The following SIPA1L1 variants were observed in gnomAD, a reference collection of about 807,000 sequenced individuals.
The protein encoded by SIPA1L1 is signal induced proliferation associated 1 like 1.
SIPA1L1 carries 26 observed loss-of-function variants against 162.7 expected under a neutral mutation model. The ratio of observed to expected loss-of-function variants is 0.16; its 90% confidence interval spans 0.12 to 0.22. The LOEUF (loss-of-function observed/expected upper bound fraction) is 0.22, where lower values mean the gene tolerates loss of function less well. Among genes scored for constraint, SIPA1L1 ranks in the 10% least tolerant of loss-of-function variants. SIPA1L1 has a pLI of 1.00. For missense variants in SIPA1L1, 1,874 were observed against 2,241.0 expected (o/e 0.84, Z 3.31); for synonymous variants, 829 against 837.4 (o/e 0.99, Z 0.17).
At chr14:71,543,126 C>T (rs1446412457) in intron 4 of SIPA1L1, among the ~76,000 whole-genome samples, 4 of 152,192 alleles carry the variant, frequency 2.6e-5, no homozygotes, top group Non-Finnish European at 5.9e-5. Flanking sequence ...GCCCCATCCA[C>T]TCTCAGATCT....
intron 7 of SIPA1L1, among the ~76,000 whole-genome samples, chr14:71,642,911 A>G (rs1438787033): frequency 6.6e-6 from 1 of 152,038 alleles, no homozygotes; most frequent in African/African-American, 2.4e-5. Context: ...AGCAGATTAG[A>G]CATTGTCGAA....
chr14:71,714,180 G>A (rs754624060), intron 17 of SIPA1L1, among the ~76,000 whole-genome samples: 6 of 152,090 alleles, frequency 3.9e-5, no homozygotes, highest in Non-Finnish European at 7.4e-5. Context: ...TGGCCTAAGC[G>A]ATCTTGCCAC....
At chr14:71,446,283 T>C (rs148106424) in intron 2 of SIPA1L1, among the ~76,000 whole-genome samples, 54 of 152,360 alleles carry the variant, frequency 3.5e-4, no homozygotes, top group African/African-American at 1.2e-3. Context: ...TTTTTTCTTA[T>C]ATTTCTTTTA....
At chr14:71,480,106 G>T (rs1386748516) in intron 2 of SIPA1L1, among the ~76,000 whole-genome samples, 1 of 148,706 alleles carries the variant, frequency 6.7e-6, no homozygotes, top group Non-Finnish European at 1.5e-5. Context: ...TTTTTGAGAC[G>T]GAGTCTTGCT....
At chr14:71,472,712 CAA>C (rs1567070443) in intron 2 of SIPA1L1, among the ~76,000 whole-genome samples, 1 of 150,200 alleles carries the variant, frequency 6.7e-6, no homozygotes, top group African/African-American at 2.5e-5. Flanking sequence ...GTTTCCAAAC[CAA>C]GTTTCCTATT....
At chr14:71,435,222 A>T (rs927888337) in intron 2 of SIPA1L1, among the ~76,000 whole-genome samples, 14 of 152,074 alleles carry the variant, frequency 9.2e-5, no homozygotes, top group African/African-American at 3.1e-4. Flanking sequence ...CATGTGCACA[A>T]CATGCAGGTT....
intron 2 of SIPA1L1, among the ~76,000 whole-genome samples, chr14:71,502,266 A>G (rs1284502348): frequency 1.4e-5 from 2 of 142,676 alleles, no homozygotes; most frequent in Non-Finnish European, 3.0e-5. Flanking sequence ...ATATATATAT[A>G]TATATATATA....
Position 71,588,540 on chromosome 14 carries a change from T to C in SIPA1L1, c.668T>C (p.Phe223Ser). Reference protein sequence around the residue: ...DKQGTSGESFFDLLKGYKDDK... With the variant: ...DKQGTSGESFSDLLKGYKDDK... ...CAGGGAACATCTGGAGAAAGCTTTT[T>C]TGATTTGTTAAAGGGCTACAAAGAT... is the stretch of plus-strand genomic sequence containing the variant. Residue 223 changes from phenylalanine to serine, a missense_variant, in exon 5 of 24, where the codon TTT (phenylalanine) becomes TCT (serine). Phe to Ser is a radical substitution (Grantham distance 155). Transcript: ENST00000381232. This position sits in a 1 kb window ranked among gnomAD's most constrained non-coding sequence, Gnocchi z 4.3. The C allele has an allele frequency of 3.1e-6, 5 of 1,614,116 alleles. No individual in the cohort carries two copies. The highest frequency in any genetic ancestry group is 4.2e-6 in the Non-Finnish European group (5 of 1,179,984).
chr14:71,663,610 T>C (rs921632179), intron 10 of SIPA1L1, among the ~76,000 whole-genome samples: 2 of 152,228 alleles, frequency 1.3e-5, no homozygotes, highest in Admixed American at 1.3e-4. Context: ...AACAGACTGC[T>C]CAGGGAGGTA....
At chr14:71,352,322 T>C (rs1453277011) in intron 2 of SIPA1L1, among the ~76,000 whole-genome samples, 1 of 151,996 alleles carries the variant, frequency 6.6e-6, no homozygotes, top group African/African-American at 2.4e-5. Flanking sequence ...GAGGGTTGAA[T>C]TTCTGCGAAG....
intron 3 of SIPA1L1, among the ~76,000 whole-genome samples, chr14:71,517,017 C>G (rs2051805985): frequency 1.3e-5 from 2 of 151,966 alleles, no homozygotes; most frequent in African/African-American, 4.8e-5. Flanking sequence ...TTTTAAAAAA[C>G]CACAGTGTGA....
At chr14:71,433,441 T>C (rs1345496550) in intron 2 of SIPA1L1, among the ~76,000 whole-genome samples, 1 of 152,196 alleles carries the variant, frequency 6.6e-6, no homozygotes, top group African/African-American at 2.4e-5. Flanking sequence ...CTCAGCTTCC[T>C]GAGTAGCTGG....
At chr14:71,494,172 A>C (rs1334749372) in intron 2 of SIPA1L1, among the ~76,000 whole-genome samples, 1 of 152,206 alleles carries the variant, frequency 6.6e-6, no homozygotes, top group African/African-American at 2.4e-5. Context: ...GTTGAATAGA[A>C]ATGGTGACAG....
At chr14:71,681,859 A>C (rs1019702505) in intron 12 of SIPA1L1, among the ~76,000 whole-genome samples, 1 of 152,246 alleles carries the variant, frequency 6.6e-6, no homozygotes, top group Non-Finnish European at 1.5e-5. Flanking sequence ...CAAAGACTGA[A>C]AAACAGAGTA....
rs532264715 is a variant in SIPA1L1 at position 71,548,533 on chromosome 14, T to A, written c.-303+19163T>A. Among the ~76,000 whole-genome samples the A allele has an allele frequency of 6.6e-5, 10 of 152,322 alleles. No individual in the cohort carries two copies. The South Asian group carries it at 2.1e-3, about 32-fold the overall frequency. On this transcript the variant is annotated intron_variant, in intron 4 of 23. Coordinates refer to ENST00000381232, the MANE Select transcript of SIPA1L1 (RefSeq NM_001386936.1). Reference sequence around the variant, plus strand: ...TGAATCAACAGAAAAATAAGTGTTTTAAGTGTAATTTACATTAGGATGTTT... The same window carrying A: ...TGAATCAACAGAAAAATAAGTGTTTAAAGTGTAATTTACATTAGGATGTTT...
At chr14:71,406,333 C>T (rs1369313242) in intron 2 of SIPA1L1, among the ~76,000 whole-genome samples, 1 of 152,098 alleles carries the variant, frequency 6.6e-6, no homozygotes, top group Non-Finnish European at 1.5e-5. Context: ...GTCATCACTT[C>T]TTTGCCTTTT....
intron 15 of SIPA1L1, among the ~76,000 whole-genome samples, chr14:71,703,977 CTCATCTT>C (rs1263535802): frequency 2.0e-5 from 3 of 152,104 alleles, no homozygotes; most frequent in Admixed American, 2.0e-4. Flanking sequence ...AACCTATTTG[CTCATCTT>C]TTTTGTAAGG....
chr14:71,481,237 G>C (rs1362800549), intron 2 of SIPA1L1, among the ~76,000 whole-genome samples: 4 of 152,202 alleles, frequency 2.6e-5, no homozygotes, highest in African/African-American at 4.8e-5. Flanking sequence ...CTAGCACTTT[G>C]AGAACCTGAG....
chr14:71,475,946 A>G (rs894299797), intron 2 of SIPA1L1, among the ~76,000 whole-genome samples: 1 of 152,216 alleles, frequency 6.6e-6, no homozygotes, highest in Non-Finnish European at 1.5e-5. Context: ...TTTGTTTAAC[A>G]GTGTAATTGA....
Sources: allele counts gnomAD v4.1 joint callset (sites outside exome capture counted in the v4.1 genomes callset), GRCh38; gene constraint gnomAD v4.1.1; non-coding constraint Gnocchi (gnomAD v3.1); transcripts MANE v1.5; gene names NCBI Gene and HGNC (gene_info 2026-07-23, HGNC 2026-07-21).